Variants in RANBP2 observed in about 807,000 individuals in gnomAD.
The protein encoded by RANBP2 is RAN binding protein 2, also known as E3 SUMO-protein ligase RanBP2.
A neutral mutation model predicts 303.6 loss-of-function variants in RANBP2; 57 were observed. The observed-to-expected ratio is 0.19, with a 90% CI of 0.15 to 0.23. RANBP2 has a LOEUF of 0.23. Ranked by LOEUF, RANBP2 falls within the 10% of genes least tolerant of loss-of-function variation. The probability of loss-of-function intolerance (pLI) is 1.00; values close to 1 mark genes in which losing one functional copy is unlikely to be tolerated. For missense variants in RANBP2, 3,138 were observed against 3,780.8 expected (o/e 0.83, Z 4.46); for synonymous variants, 1,167 against 1,301.5 (o/e 0.90, Z 2.23).
chr2:109,615,379 G>A, the RANBP2 span: 52 of 1,613,022 alleles, frequency 3.2e-5, no homozygotes, highest in Non-Finnish European at 4.4e-5. Flanking sequence ...CTGGTCAAGC[G>A]GGACTTCATT....
At chr2:109,236,283 G>GTTGT in the RANBP2 span, among the ~76,000 whole-genome samples, 1 of 152,146 alleles carries the variant, frequency 6.6e-6, no homozygotes, top group African/African-American at 2.4e-5. Context: ...TAAAGTCCAG[G>GTTGT]TTGTTTCTGC....
At chr2:109,412,516 C>T in the RANBP2 span, among the ~76,000 whole-genome samples, 2 of 152,248 alleles carry the variant, frequency 1.3e-5, no homozygotes, top group African/African-American at 2.4e-5. Flanking sequence ...CCACTCTTCC[C>T]GCTGCTGCAG....
At chr2:109,536,232 G>A in the RANBP2 span, among the ~76,000 whole-genome samples, 1 of 152,184 alleles carries the variant, frequency 6.6e-6, no homozygotes, top group African/African-American at 2.4e-5. Flanking sequence ...GCCTGGAAAA[G>A]CTGCAGACAC....
chr2:109,100,348 C>T, the RANBP2 span, among the ~76,000 whole-genome samples: 4 of 152,102 alleles, frequency 2.6e-5, no homozygotes, highest in Non-Finnish European at 5.9e-5. Flanking sequence ...GCTGTGCAAG[C>T]GAGGGATCTA....
At chr2:109,278,525 C>T in the RANBP2 span, among the ~76,000 whole-genome samples, 1 of 152,194 alleles carries the variant, frequency 6.6e-6, no homozygotes, top group East Asian at 1.9e-4. Flanking sequence ...GACAGCCAAC[C>T]CTGGGGTTAC....
At chr2:109,348,256 G>A in the RANBP2 span, among the ~76,000 whole-genome samples, 1 of 152,340 alleles carries the variant, frequency 6.6e-6, no homozygotes, top group East Asian at 1.9e-4. Flanking sequence ...GTTAACCTGA[G>A]TCATGGCTCT....
At chr2:109,421,205 C>G in the RANBP2 span, among the ~76,000 whole-genome samples, 7 of 152,204 alleles carry the variant, frequency 4.6e-5, no homozygotes, top group Non-Finnish European at 8.8e-5. Flanking sequence ...TGGGATAGCC[C>G]TGATGGAGTT....
the RANBP2 span, among the ~76,000 whole-genome samples, chr2:109,562,974 G>T: frequency 1.3e-5 from 2 of 151,546 alleles, no homozygotes. Context: ...GCAGTGGCAC[G>T]ATCTCAGCTC....
chr2:109,316,682 G>C, the RANBP2 span, among the ~76,000 whole-genome samples: 3 of 152,246 alleles, frequency 2.0e-5, no homozygotes, highest in Non-Finnish European at 4.4e-5. Flanking sequence ...GTCACATTAG[G>C]GTTTACTCTT....
At chr2:108,798,385 T>C in the RANBP2 span, 2 of 1,577,064 alleles carry the variant, frequency 1.3e-6, no homozygotes, top group Non-Finnish European at 1.7e-6. Context: ...TTTGCAGAAT[T>C]TGTGACTTTT....
chr2:108,814,874 G>A, the RANBP2 span, among the ~76,000 whole-genome samples: 2 of 151,842 alleles, frequency 1.3e-5, no homozygotes, highest in African/African-American at 4.8e-5. Context: ...GACCTCTGGT[G>A]ATCCACCTGC....
chr2:109,524,469 A>C, the RANBP2 span, among the ~76,000 whole-genome samples: 31,752 of 80,664 alleles, frequency 0.39, 5,298 homozygotes, highest in Non-Finnish European at 0.54. Context: ...AAAAAAAACA[A>C]AACAACACTG....
At chr2:109,635,448 G>T in the RANBP2 span, among the ~76,000 whole-genome samples, 3 of 152,208 alleles carry the variant, frequency 2.0e-5, no homozygotes, top group East Asian at 5.8e-4. Flanking sequence ...CTCCCAAAGT[G>T]CTGGGATTAC....
chr2:108,889,100 A>G, the RANBP2 span, among the ~76,000 whole-genome samples: 2 of 151,672 alleles, frequency 1.3e-5, no homozygotes, highest in South Asian at 2.1e-4. Context: ...ATGTTTTTGT[A>G]TAGTTTCCAA....
At chr2:108,994,271 A>T in the RANBP2 span, among the ~76,000 whole-genome samples, 1 of 152,224 alleles carries the variant, frequency 6.6e-6, no homozygotes, top group Non-Finnish European at 1.5e-5. Flanking sequence ...TCAGGCCAGG[A>T]GCTTCGTGCA....
Position 108,753,806 on chromosome 2 carries a change from A to G in RANBP2, c.2056-19A>G, listed in dbSNP as rs199880095. 0.013 allele frequency: 20,049 copies of G among 1,563,282 alleles called. 824 individuals carry two copies. Among genetic ancestry groups the G allele is most frequent in the Middle Eastern group, 0.016 (68 of 4,352 alleles). On this transcript the variant is annotated intron_variant, in intron 14 of 28. Transcript: ENST00000283195. ...TGTTTTAAAAACCTAATGATTTCAT[A>G]AAAGCACTATTTGTATAGATTTTTC...
chr2:109,737,285 T>G, the RANBP2 span: 3 of 682,044 alleles, frequency 4.4e-6, no homozygotes, highest in Admixed American at 7.8e-5. Flanking sequence ...AAATACCTTT[T>G]GGAAAAATGC....
chr2:109,262,897 A>T, the RANBP2 span, among the ~76,000 whole-genome samples: 4 of 152,016 alleles, frequency 2.6e-5, no homozygotes, highest in Non-Finnish European at 5.9e-5. Context: ...CAGTGGCATG[A>T]TCTTGGCTCA....
At chr2:109,550,268 C>T in the RANBP2 span, among the ~76,000 whole-genome samples, 2 of 150,360 alleles carry the variant, frequency 1.3e-5, no homozygotes, top group African/African-American at 4.9e-5. Flanking sequence ...CCAGCCTGGG[C>T]AACAAAAGCA....
Sources: allele counts gnomAD v4.1 joint callset (sites outside exome capture counted in the v4.1 genomes callset), GRCh38; gene constraint gnomAD v4.1.1; transcripts MANE v1.5; gene names NCBI Gene and HGNC (gene_info 2026-07-23, HGNC 2026-07-21).